Variants in UNC79 observed in about 807,000 individuals in gnomAD.
UNC79 encodes protein unc-79 homolog.
A neutral mutation model predicts 283.1 loss-of-function variants in UNC79; 37 were observed. That is an observed-to-expected ratio of 0.13 (90% confidence interval 0.10 to 0.17). UNC79 has a LOEUF of 0.17. Among genes scored for constraint, UNC79 ranks in the 10% least tolerant of loss-of-function variants. The pLI, the probability that UNC79 is intolerant of heterozygous loss-of-function variation, is 1.00. For synonymous variants in UNC79, 1,107 were observed against 1,200.2 expected (o/e 0.92, Z 1.61); for missense variants, 2,272 against 3,211.1 (o/e 0.71, Z 7.07).
chr14:93,622,545 G>A, exon 30 of UNC79: 1 of 1,614,036 alleles, frequency 6.2e-7, no homozygotes. Flanking sequence ...GGCACTGAGG[G>A]GGAGAAGCCT....
chr14:93,578,502 A>T (rs536865319), intron 18 of UNC79, among the ~76,000 whole-genome samples: 9 of 152,302 alleles, frequency 5.9e-5, no homozygotes, highest in African/African-American at 2.2e-4. Context: ...ATAATTTCAG[A>T]TTTGCAGAAA....
chr14:93,667,521 T>G (rs2140528592), intron 40 of UNC79, among the ~76,000 whole-genome samples: 1 of 152,286 alleles, frequency 6.6e-6, no homozygotes, highest in East Asian at 1.9e-4. Flanking sequence ...AGTAACTGAC[T>G]AGACTTAGGT....
chr14:93,338,611 C>G (rs191882752), intron 1 of UNC79, among the ~76,000 whole-genome samples: 67 of 152,206 alleles, frequency 4.4e-4, no homozygotes, highest in African/African-American at 1.5e-3. Flanking sequence ...ACAGGAATGA[C>G]AAAAGACTTG....
intron 7 of UNC79, among the ~76,000 whole-genome samples, chr14:93,507,764 G>A (rs1163466585): frequency 6.6e-6 from 1 of 152,046 alleles, no homozygotes; most frequent in East Asian, 1.9e-4. Context: ...TGCCTTTCAT[G>A]TCCTGTCTAA....
intron 1 of UNC79, among the ~76,000 whole-genome samples, chr14:93,341,423 C>T (rs2053705988): frequency 6.6e-6 from 1 of 151,850 alleles, no homozygotes; most frequent in Non-Finnish European, 1.5e-5. Flanking sequence ...CACCACTGTA[C>T]TCCAGCCTGG....
chr14:93,349,657 G>T (rs941133744), intron 1 of UNC79, among the ~76,000 whole-genome samples: 1 of 152,112 alleles, frequency 6.6e-6, no homozygotes, highest in Non-Finnish European at 1.5e-5. Flanking sequence ...CCACAGGCTG[G>T]CTGCACGTAC....
rs2059819857 is a variant in UNC79, at chr14:93,511,449, T to G, written c.899-12529T>G. On this transcript the variant is annotated intron_variant, in intron 7 of 48. Coordinates refer to ENST00000555664, the Ensembl canonical transcript of UNC79. Reference sequence around the variant, plus strand: ...CTGAATAGTTTTTATTTTTTATATTTATTTATTTATTTATTTTGAGACAGA... The same window carrying G: ...CTGAATAGTTTTTATTTTTTATATTGATTTATTTATTTATTTTGAGACAGA... Among the ~76,000 whole-genome samples, 3 of 152,128 alleles carry G rather than the reference T, an allele frequency of 2.0e-5. No individual in the cohort carries two copies. The South Asian group carries it at 6.2e-4, about 32-fold the overall frequency.
At chr14:93,633,313 A>G (rs2068196809) in intron 31 of UNC79, among the ~76,000 whole-genome samples, 1 of 152,184 alleles carries the variant, frequency 6.6e-6, no homozygotes, top group Admixed American at 6.5e-5. Context: ...TGATCAGTTT[A>G]TCAGCTGGTT....
intron 7 of UNC79, among the ~76,000 whole-genome samples, chr14:93,498,384 T>C (rs1156795962): frequency 6.6e-6 from 1 of 151,680 alleles, no homozygotes; most frequent in Non-Finnish European, 1.5e-5. Context: ...GTCAGGAGAT[T>C]GAGACCATCC....
chr14:93,692,998 C>T (rs1388376170), intron 46 of UNC79, among the ~76,000 whole-genome samples: 1 of 152,144 alleles, frequency 6.6e-6, no homozygotes, highest in Non-Finnish European at 1.5e-5. Flanking sequence ...CACTACACTG[C>T]CCACAAAAGG....
At chr14:93,495,349 T>TC (rs2058968417) in intron 5 of UNC79, among the ~76,000 whole-genome samples, 1 of 152,146 alleles carries the variant, frequency 6.6e-6, no homozygotes, top group East Asian at 1.9e-4. Flanking sequence ...AAAACTGCCT[T>TC]TATGAAACCA....
At chr14:93,618,451 T>A in intron 29 of UNC79, 97 bp downstream of exon 30, 1 of 1,260,052 alleles carries the variant, frequency 7.9e-7, no homozygotes, top group African/African-American at 1.5e-5. Context: ...CCAGATATCA[T>A]TCTGGAGTAA....
chr14:93,470,944 A>C (rs559208753), intron 2 of UNC79, among the ~76,000 whole-genome samples: 1 of 152,304 alleles, frequency 6.6e-6, no homozygotes, highest in South Asian at 2.1e-4. Flanking sequence ...AAAGGATCCT[A>C]GTCTTCTTCC....
At chr14:93,357,905 CTATATATATCCATATATATAGATA>C (rs2054142539) in intron 1 of UNC79, among the ~76,000 whole-genome samples, 1 of 26,728 alleles carries the variant, frequency 3.7e-5, no homozygotes, top group Non-Finnish European at 8.2e-5. Flanking sequence ...AGATATATAT[CTATATATATCCATATATATAGATA>C]TATATGGATA....
intron 47 of UNC79, among the ~76,000 whole-genome samples, chr14:93,696,891 A>T (rs958016023): frequency 6.6e-6 from 1 of 152,106 alleles, no homozygotes; most frequent in African/African-American, 2.4e-5. Flanking sequence ...AGTGTTATCT[A>T]TGTTTTCACT....
At chr14:93,523,387 C>T (rs894677430) in intron 7 of UNC79, among the ~76,000 whole-genome samples, 18 of 152,090 alleles carry the variant, frequency 1.2e-4, no homozygotes, top group Non-Finnish European at 2.4e-4. Context: ...ATTAATCTTT[C>T]CAGTCTCCAT....
At chr14:93,627,764 A>G (rs549301278) in intron 30 of UNC79, among the ~76,000 whole-genome samples, 215 of 152,328 alleles carry the variant, frequency 1.4e-3, no homozygotes, top group Admixed American at 3.2e-3. Flanking sequence ...TTGGGGCCAC[A>G]TCTCTCAAAT....
chr14:93,610,037 G>A (rs149668002), intron 26 of UNC79, among the ~76,000 whole-genome samples: 1 of 152,294 alleles, frequency 6.6e-6, no homozygotes, highest in East Asian at 1.9e-4. Context: ...TCAGTGAGAT[G>A]GGCATGTATG....
intron 47 of UNC79, among the ~76,000 whole-genome samples, chr14:93,704,348 C>T (rs1191371081): frequency 6.6e-6 from 1 of 152,172 alleles, no homozygotes; most frequent in African/African-American, 2.4e-5. Context: ...CATTTAATTT[C>T]CTGTGCTTGG....
Sources: allele counts gnomAD v4.1 joint callset (sites outside exome capture counted in the v4.1 genomes callset), GRCh38; gene constraint gnomAD v4.1.1; transcripts MANE v1.5; gene names NCBI Gene and HGNC (gene_info 2026-07-23, HGNC 2026-07-21).